LANCL1: variants seen among roughly 807,000 people sequenced by gnomAD.
LANCL1 encodes the protein LanC like glutathione S-transferase 1, also known as glutathione S-transferase LANCL1.
In LANCL1, 50 loss-of-function variants were observed where a neutral mutation model predicts 50.6. That is an observed-to-expected ratio of 0.99 (90% confidence interval 0.79 to 1.25). The LOEUF is 1.25. Among genes scored for constraint, LANCL1 ranks in the 50% most tolerant of loss-of-function variants. LANCL1 has a pLI of 0.00. For synonymous variants in LANCL1, 188 were observed against 178.6 expected, an observed-to-expected ratio of 1.05 and a Z score of -0.42; for missense variants, 532 against 480.7, an observed-to-expected ratio of 1.11 and a Z score of -1.00.
chr2:210,446,487 A>G (rs1324424251), intron 4 of LANCL1, among the ~76,000 whole-genome samples: 1 of 152,060 alleles, frequency 6.6e-6, no homozygotes, highest in Non-Finnish European at 1.5e-5. Context: ...AAGGGAACAA[A>G]ACTGGGTGGA....
At chr2:210,446,766 G>A (rs1309195526) in intron 4 of LANCL1, among the ~76,000 whole-genome samples, 1 of 151,854 alleles carries the variant, frequency 6.6e-6, no homozygotes, top group South Asian at 2.1e-4. Flanking sequence ...AGAGATTGAA[G>A]ATCAATTTGA....
chr2:210,441,382 C>T lies in LANCL1; in HGVS notation c.469G>A (p.Gly157Ser), dbSNP rs141236725. ...APNEMLYGRI[G>S]YIYALLFVNK... ...ACAAAAAGAAGAGCATAGATGTAGC[C>T]TATTCGCCCATAGAGCATTTCATTT... Residue 157 changes from glycine (G) to serine (S), a missense_variant, in exon 5 of 10, where the codon GGC becomes AGC. Transcript: ENST00000450366. 1.2e-3 allele frequency: 1,900 copies of T among 1,612,734 alleles called. No homozygotes were observed. The highest frequency in any genetic ancestry group is 1.4e-3 in the Non-Finnish European group (1,697 of 1,179,204).
At chr2:210,445,388 T>C (rs1321429854) in intron 4 of LANCL1, among the ~76,000 whole-genome samples, 1 of 152,198 alleles carries the variant, frequency 6.6e-6, no homozygotes, top group African/African-American at 2.4e-5. Flanking sequence ...TCAAAGTAGG[T>C]AGCAAATACC....
chr2:210,447,343 C>T (rs1207928660), intron 4 of LANCL1, among the ~76,000 whole-genome samples: 1 of 152,178 alleles, frequency 6.6e-6, no homozygotes, highest in Non-Finnish European at 1.5e-5. Context: ...CTTACAAGAG[C>T]TCCTGAAGGA....
intron 3 of LANCL1, among the ~76,000 whole-genome samples, chr2:210,459,580 A>G (rs987882300): frequency 6.6e-6 from 1 of 152,086 alleles, no homozygotes; most frequent in African/African-American, 2.4e-5. Flanking sequence ...GTCGCGATGG[A>G]AATAACAACA....
intron 4 of LANCL1, among the ~76,000 whole-genome samples, chr2:210,451,776 T>C (rs541377113): frequency 6.6e-6 from 1 of 152,248 alleles, no homozygotes; most frequent in East Asian, 1.9e-4. Flanking sequence ...ACCTACTAAA[T>C]AGCCTTTTAA....
Position 210,434,370 on chromosome 2 carries a change from C to A in LANCL1, c.*117G>T. 1.4e-6 allele frequency: 1 copy of A among 702,160 alleles called. No homozygotes were observed. Among genetic ancestry groups the A allele is most frequent in the South Asian group, 2.1e-5 (1 of 47,086 alleles). The allele number at this position is 702,160 out of a possible 1,614,324, so 43.5% of individuals were successfully genotyped here. On this transcript the variant is annotated 3_prime_UTR_variant, in exon 10 of 10. Coordinates refer to ENST00000450366, the MANE Select transcript of LANCL1 (RefSeq NM_006055.3). ...AAAGATAAATTCTGAAAAAAGCTAA[C>A]AAAATCAAGTCCACAGTTTGACTCT...
chr2:210,459,326 G>C (rs1693769733), intron 3 of LANCL1, among the ~76,000 whole-genome samples: 1 of 151,906 alleles, frequency 6.6e-6, no homozygotes. Flanking sequence ...CTTAAGACCA[G>C]AAACTGTAAA....
At position 210,436,242 on chromosome 2, in the gene LANCL1, T is replaced by C. The variant is rs773616811; in HGVS notation, c.1024A>G (p.Met342Val). The C allele has an allele frequency of 2.3e-5, 37 of 1,613,858 alleles. 1 individual carries two copies. The highest frequency in any genetic ancestry group is 1.8e-4 in the South Asian group (16 of 91,076). ...FLTLYNLTQDMKYLYRACKFA... is the reference protein window; with the variant it reads ...FLTLYNLTQDVKYLYRACKFA... ...TTACAGGCCCTATACAGGTACTTCA[T>C]GTCCTGTGTGAGGTTGTAGAGTGTC... Residue 342 changes from methionine to valine, a missense_variant, in exon 8 of 10, where the codon ATG becomes GTG. Physicochemically the swap from Met to Val is conservative, Grantham distance 21. Transcript: ENST00000450366.
At chr2:210,454,212 GCATACATACACACA>G (rs1470922229) in intron 4 of LANCL1, among the ~76,000 whole-genome samples, 2 of 134,470 alleles carry the variant, frequency 1.5e-5, no homozygotes, top group African/African-American at 5.4e-5. Context: ...AGGGAGATAT[GCATACATACACACA>G]CACACACACA....
chr2:210,469,299 A>AT (rs1379719512), intron 3 of LANCL1: 3 of 152,158 alleles, frequency 2.0e-5, no homozygotes, highest in Non-Finnish European at 4.4e-5. Context: ...TAACACTGTG[A>AT]TTTTATGGGG....
Position 210,434,208 on chromosome 2 carries a change from C to T in LANCL1, c.*279G>A, listed in dbSNP as rs772025238. The T allele has an allele frequency of 7.2e-6, 2 of 275,884 alleles. No homozygotes were observed. Among genetic ancestry groups the T allele is most frequent in the Non-Finnish European group, 1.3e-5 (2 of 148,526 alleles). 17.1% of individuals were successfully genotyped at this position (275,884 alleles called of 1,614,324 possible). ...ACTTAAATAAGATTTCCTCCAAGTT[C>T]TGGAATATATGTATACAATCTCAAA... On this transcript the variant is annotated 3_prime_UTR_variant, in exon 10 of 10. Transcript: ENST00000450366.
chr2:210,476,141 T>G (rs1694360020), intron 2 of LANCL1, among the ~76,000 whole-genome samples, 175 bp downstream of exon 2: 1 of 152,248 alleles, frequency 6.6e-6, no homozygotes, highest in Non-Finnish European at 1.5e-5. Context: ...CATTTAACAT[T>G]ATGTTAGAGC....
chr2:210,441,491 T>C, intron 4 of LANCL1, 48 bp from the exon 5 acceptor site: 3 of 1,538,922 alleles, frequency 1.9e-6, no homozygotes, highest in Non-Finnish European at 8.9e-7. Flanking sequence ...GAACCAGGTA[T>C]TGGTGTATAC....
intron 4 of LANCL1, among the ~76,000 whole-genome samples, chr2:210,452,360 G>C (rs1287092870): frequency 1.3e-5 from 2 of 152,222 alleles, no homozygotes; most frequent in East Asian, 3.9e-4. Flanking sequence ...ATAAATGTTA[G>C]GTTAGCCATC....
chr2:210,476,513 A>G, intron 1 of LANCL1, 101 bp from the exon 2 acceptor site: 1 of 1,404,640 alleles, frequency 7.1e-7, no homozygotes, highest in Admixed American at 3.1e-5. Flanking sequence ...CTCCAGCTCC[A>G]GGGCCATCGA....
intron 3 of LANCL1, among the ~76,000 whole-genome samples, chr2:210,466,275 A>G (rs1694055408): frequency 6.6e-6 from 1 of 152,156 alleles, no homozygotes; most frequent in African/African-American, 2.4e-5. Context: ...CCTCTACATC[A>G]GGGGGTCATA....
chr2:210,460,589 G>C (rs1693823072), intron 3 of LANCL1: 2 of 152,098 alleles, frequency 1.3e-5, no homozygotes, highest in African/African-American at 2.4e-5. Flanking sequence ...TCTCAATTTT[G>C]TGCTGAATGT....
intron 4 of LANCL1, among the ~76,000 whole-genome samples, chr2:210,448,165 T>A (rs375629193): frequency 3.3e-5 from 5 of 152,148 alleles, no homozygotes; most frequent in Admixed American, 3.3e-4. Context: ...CAGGCCATAG[T>A]GCAATCAAAT....
Sources: gnomAD v4.1 joint callset for allele counts (sites outside exome capture counted in the v4.1 genomes callset) on GRCh38, gnomAD v4.1.1 for gene constraint, MANE v1.5 for transcripts, NCBI Gene and HGNC (gene_info 2026-07-23, HGNC 2026-07-21) for gene names.